Variants in KRT37 observed in about 807,000 individuals in gnomAD.
The protein encoded by KRT37 is keratin 37, also known as keratin, type I cuticular Ha7.
In KRT37, 38 loss-of-function variants were observed where a neutral mutation model predicts 41.9. That is an observed-to-expected ratio of 0.91 (90% CI 0.70 to 1.19). The LOEUF is 1.19. Ranked by LOEUF, KRT37 falls within the 50% of genes most tolerant of loss-of-function variation. The probability of loss-of-function intolerance (pLI) is 0.00; values close to 1 mark genes in which losing one functional copy is unlikely to be tolerated. For missense variants in KRT37, 580 were observed against 575.5 expected (o/e 1.01, Z -0.08); for synonymous variants, 252 against 243.4 (o/e 1.04, Z -0.33).
At chr17:41,421,229 G>T in intron 6 of KRT37, 138 bp downstream of exon 6, 1 of 953,858 alleles carries the variant, frequency 1.0e-6, no homozygotes, top group East Asian at 2.6e-5. Context: ...GACCAGGAGA[G>T]GTTAATGAGT....
rs1271453482 is a variant in KRT37, at chr17:41,422,793, C to T, written c.717G>A (p.Lys239=). 6 of 1,610,202 alleles carry T rather than the reference C, an allele frequency of 3.7e-6. No individual in the cohort carries two copies. The highest frequency in any genetic ancestry group is 4.2e-6 in the Non-Finnish European group (5 of 1,177,946). ...ESLKEEQLSL[K]SNHEQEVKIL... is the part of the protein sequence containing the mutation. ...AGGGCCACACCTGCTCGTGGTTGCT[C>T]TTGAGGGAGAGCTGCTCCTCCTTCA... is the stretch of plus-strand genomic sequence containing the variant. Residue 239 remains lysine (K), a synonymous_variant, in exon 3 of 7, where the codon AAG becomes AAA. Coordinates refer to ENST00000225550, the MANE Select transcript of KRT37 (RefSeq NM_003770.5).
At chr17:41,421,246 G>T in intron 6 of KRT37, 121 bp downstream of exon 6, 2 of 1,079,056 alleles carry the variant, frequency 1.9e-6, no homozygotes, top group Non-Finnish European at 2.8e-6. Flanking sequence ...GAGTCACTGA[G>T]CAAGAGAGCA....
At chr17:41,423,635 G>T in intron 2 of KRT37, 127 bp downstream of exon 2, 1 of 741,908 alleles carries the variant, frequency 1.3e-6, no homozygotes, top group Non-Finnish European at 2.2e-6. Context: ...AATTTAAGGT[G>T]TGGAGAGAAA....
rs560347360 is a variant in KRT37 at position 41,422,209 on chromosome 17, A to G, written c.895-15T>C. 20 of 1,613,878 alleles carry G rather than the reference A, an allele frequency of 1.2e-5. 1 individual carries two copies. The highest frequency in any genetic ancestry group is 2.2e-5 in the East Asian group (1 of 44,870). ...ATGCCTTCAGACTGGAGCACAGAGA[A>G]ACACAGTCACCTCCCTGCTCAGATG... On this transcript the variant is annotated splice_polypyrimidine_tract_variant and intron_variant, in intron 4 of 6. Transcript: ENST00000225550.
rs1455549955 is a variant in KRT37, at chr17:41,424,475, C to T, written c.49G>A (p.Ala17Thr). The T allele has an allele frequency of 9.4e-6, 15 of 1,604,208 alleles. No individual in the cohort carries two copies. The highest frequency in any genetic ancestry group is 1.2e-5 in the Non-Finnish European group (14 of 1,173,192). ...ACAAAGACATTTCTTGCTCCAGGAGCCATGGTGCAACCCAGAGGGCATGAG... is the reference window on the plus strand; with the variant it reads ...ACAAAGACATTTCTTGCTCCAGGAGTCATGGTGCAACCCAGAGGGCATGAG... ...TSSCPLGCTM[A>T]PGARNVFVSP... is the part of the protein sequence containing the mutation. Residue 17 changes from alanine (A) to threonine (T), a missense_variant, in exon 1 of 7, where the codon GCT becomes ACT. Transcript: ENST00000225550.
intron 6 of KRT37, 53 bp downstream of exon 6, chr17:41,421,314 G>T (rs1350515672): frequency 3.2e-5 from 51 of 1,574,694 alleles, no homozygotes; most frequent in Non-Finnish European, 4.3e-5. Flanking sequence ...TACCTCTGAG[G>T]AATTGCCTGA....
chr17:41,420,592 A>G lies in KRT37; in HGVS notation c.*286T>C, dbSNP rs2018526263. Among the ~76,000 whole-genome samples the G allele has an allele frequency of 6.6e-6, 1 of 152,250 alleles. No individual in the cohort carries two copies. The highest frequency in any genetic ancestry group is 1.5e-5 in the Non-Finnish European group (1 of 68,050). Reference sequence around the variant, plus strand: ...ATTGACCATTTAATGCAGGGAACCCAGTTACATTTTTGGAGATTCTGAAAC... The same window carrying G: ...ATTGACCATTTAATGCAGGGAACCCGGTTACATTTTTGGAGATTCTGAAAC... On this transcript the variant is annotated 3_prime_UTR_variant, in exon 7 of 7. Coordinates refer to ENST00000225550, the MANE Select transcript of KRT37 (RefSeq NM_003770.5).
rs1467669028 is a variant in KRT37, at chr17:41,424,287, C to A, written c.237G>T (p.Leu79Phe). The change falls in exon 1 of 7, where the codon TTG becomes TTT. Residue 79 changes from leucine (L) to phenylalanine (F), a missense_variant. Coordinates refer to ENST00000225550, the MANE Select transcript of KRT37 (RefSeq NM_003770.5). ...LPPTSHTACP[L>F]PGTCHIPGNI... ...TGCCGGGAATGTGACAGGTCCCTGGCAAGGGACAAGCAGTGTGACTGGTTG... is the reference window on the plus strand; with the variant it reads ...TGCCGGGAATGTGACAGGTCCCTGGAAAGGGACAAGCAGTGTGACTGGTTG... The A allele has an allele frequency of 6.2e-7, 1 of 1,614,182 alleles. No individual in the cohort carries two copies. The highest frequency in any genetic ancestry group is 1.7e-5 in the Admixed American group (1 of 60,028).
In KRT37 at chr17:41,420,583, A is replaced by G. The variant is rs117505929; in HGVS notation, c.*295T>C. ...AGGAGGTTTATTGACCATTTAATGCAGGGAACCCAGTTACATTTTTGGAGA... is the reference window on the plus strand; with the variant it reads ...AGGAGGTTTATTGACCATTTAATGCGGGGAACCCAGTTACATTTTTGGAGA... On this transcript the variant is annotated 3_prime_UTR_variant, in exon 7 of 7. Coordinates refer to ENST00000225550, the MANE Select transcript of KRT37 (RefSeq NM_003770.5). Among the ~76,000 whole-genome samples, 463 of 152,360 alleles carry G rather than the reference A, an allele frequency of 3.0e-3. 11 individuals are homozygous for G. Among genetic ancestry groups the G allele is most frequent in the East Asian group, 0.025 (129 of 5,182 alleles).
At position 41,422,374 on chromosome 17, in the gene KRT37, G is replaced by C; in HGVS notation, c.793C>G (p.Pro265Ala). The C allele has an allele frequency of 1.9e-6, 3 of 1,614,122 alleles. No individual in the cohort carries two copies. The highest frequency in any genetic ancestry group is 2.5e-6 in the Non-Finnish European group (3 of 1,179,984). The change falls in exon 4 of 7, where the codon CCC becomes GCC. Residue 265 changes from proline to alanine, a missense_variant. Physicochemically the swap from Pro to Ala is conservative, Grantham distance 27. Coordinates refer to ENST00000225550, the MANE Select transcript of KRT37 (RefSeq NM_003770.5). ...EKFRIELDIEPTIDLNRVLGE... is the reference protein window; with the variant it reads ...EKFRIELDIEATIDLNRVLGE... ...AACACCCTGTTCAGGTCAATGGTGG[G>C]CTCAATGTCCAGCTCGATCCGGAAC...
chr17:41,422,801 A>T lies in KRT37; in HGVS notation c.709T>A (p.Ser237Thr). The T allele has an allele frequency of 1.9e-6, 3 of 1,611,766 alleles. No individual in the cohort carries two copies. The highest frequency in any genetic ancestry group is 2.5e-6 in the Non-Finnish European group (3 of 1,178,800). The change falls in exon 3 of 7, where the codon TCC (serine) becomes ACC (threonine). Residue 237 changes from serine to threonine, a missense_variant. Physicochemically the swap from Ser to Thr is moderately conservative, Grantham distance 58. Coordinates refer to ENST00000225550, the MANE Select transcript of KRT37 (RefSeq NM_003770.5). ...QQESLKEEQL[S>T]LKSNHEQEVK... ...ACCTGCTCGTGGTTGCTCTTGAGGG[A>T]GAGCTGCTCCTCCTTCAGGGACTCC...
At chr17:41,422,041 C>G in intron 5 of KRT37, 28 bp downstream of exon 5, 1 of 1,613,998 alleles carries the variant, frequency 6.2e-7, no homozygotes, top group Non-Finnish European at 8.5e-7. Context: ...GGGGCATTTG[C>G]AGTGCAGTGA....
At position 41,423,861 on chromosome 17, in the gene KRT37, G is replaced by C. The variant is rs1033941767; in HGVS notation, c.493-17C>G. 1.2e-5 allele frequency: 20 copies of C among 1,613,988 alleles called. No individual in the cohort carries two copies. In the East Asian group the frequency reaches 4.5e-4, roughly 36 times the overall value. On this transcript the variant is annotated splice_polypyrimidine_tract_variant and intron_variant, in intron 1 of 6. Transcript: ENST00000225550. ...GCACAGGATCTGAGGAAAACGGAAA[G>C]ACGGTTCACACACAAAGCACCATAC... is the stretch of plus-strand genomic sequence containing the variant.
Position 41,420,829 on chromosome 17 carries a change from CCTGA to C in KRT37, c.*45_*48del. 7.6e-7 allele frequency: 1 copy of C among 1,319,806 alleles called. No homozygotes were observed. Among genetic ancestry groups the C allele is most frequent in the Non-Finnish European group, 1.1e-6 (1 of 918,458 alleles). 81.8% of individuals were successfully genotyped at this position (1,319,806 alleles called of 1,614,324 possible). ...GAAGACTGGGCAAGGTGAGGGCACTCCTGACCCCAGTGCAACCAGCCTCAATCTC... is the reference window on the plus strand; with the variant it reads ...GAAGACTGGGCAAGGTGAGGGCACTCCCCCAGTGCAACCAGCCTCAATCTC... On this transcript the variant is annotated 3_prime_UTR_variant, in exon 7 of 7. Coordinates refer to ENST00000225550, the MANE Select transcript of KRT37 (RefSeq NM_003770.5).
In KRT37 at chr17:41,422,096, C is replaced by G. The variant is rs147442682; in HGVS notation, c.993G>C (p.Glu331Asp). Residue 331 changes from glutamate (E) to aspartate (D), a missense_variant, in exon 5 of 7, where the codon GAG (glutamate) becomes GAC (aspartate). Transcript: ENST00000225550. ...AGGTGTGCTGGGCTTGGCGCTCCAC[C>G]TCCAGGGCATTCACCGTGCATCTCA... ...LELRCTVNAL[E>D]VERQAQHTLK... The G allele has an allele frequency of 1.2e-6, 2 of 1,614,192 alleles. No homozygotes were observed. Among genetic ancestry groups the G allele is most frequent in the Admixed American group, 1.7e-5 (1 of 60,022 alleles).
chr17:41,421,992 T>C (rs1484615734), intron 5 of KRT37, 77 bp downstream of exon 5: 3 of 1,606,010 alleles, frequency 1.9e-6, no homozygotes, highest in Non-Finnish European at 2.6e-6. Flanking sequence ...GGAACTGATT[T>C]GTGAGACTTT....
chr17:41,421,779 T>C (rs1326582940), intron 5 of KRT37, among the ~76,000 whole-genome samples, 192 bp from the exon 6 acceptor site: 1 of 152,226 alleles, frequency 6.6e-6, no homozygotes, highest in Admixed American at 6.5e-5. Flanking sequence ...GGAACTGTCA[T>C]GTTCATCCCT....
chr17:41,424,279 G>T lies in KRT37; in HGVS notation c.245C>A (p.Thr82Asn). ...TCCGATGTTGCCGGGAATGTGACAG[G>T]TCCCTGGCAAGGGACAAGCAGTGTG... ...TSHTACPLPG[T>N]CHIPGNIGIC... The change falls in exon 1 of 7, where the codon ACC becomes AAC. Residue 82 changes from threonine (T) to asparagine (N), a missense_variant. By Grantham distance (65) the Thr-to-Asn change is moderately conservative. Transcript: ENST00000225550. The T allele has an allele frequency of 6.2e-7, 1 of 1,614,218 alleles. No homozygotes were observed. Among genetic ancestry groups the T allele is most frequent in the South Asian group, 1.1e-5 (1 of 91,090 alleles).
At chr17:41,421,631 AC>A (rs2018541354) in intron 5 of KRT37, 44 bp from the exon 6 acceptor site, 1 of 1,584,170 alleles carries the variant, frequency 6.3e-7, no homozygotes, top group Non-Finnish European at 8.7e-7. Flanking sequence ...GTGCCCCAAA[AC>A]TCAGCAGTGA....
Sources: gnomAD v4.1 joint callset for allele counts (sites outside exome capture counted in the v4.1 genomes callset) on GRCh38, gnomAD v4.1.1 for gene constraint, MANE v1.5 for transcripts, NCBI Gene and HGNC (gene_info 2026-07-23, HGNC 2026-07-21) for gene names.